PHLPP2: variants seen among roughly 807,000 people sequenced by gnomAD.
PHLPP2 encodes the protein PH domain leucine-rich repeat-containing protein phosphatase 2.
Under a neutral mutation model 124.9 loss-of-function variants are expected in PHLPP2, and 66 were observed. That is an observed-to-expected ratio of 0.53 (90% confidence interval 0.43 to 0.65). PHLPP2 has a LOEUF of 0.65. Among genes scored for constraint, PHLPP2 ranks in the 30% least tolerant of loss-of-function variants. PHLPP2 has a pLI of 0.00. For missense variants in PHLPP2, 1,685 were observed against 1,600.4 expected (o/e 1.05, Z -0.90); for synonymous variants, 681 against 624.7 (o/e 1.09, Z -1.34).
chr16:71,711,566 T>C (rs1251529197), intron 2 of PHLPP2, among the ~76,000 whole-genome samples: 1 of 152,184 alleles, frequency 6.6e-6, no homozygotes. Context: ...TTAGATGAGA[T>C]GCTTAACCCT....
In PHLPP2 at chr16:71,660,771, C is replaced by T. The variant is rs868331756; in HGVS notation, c.1986-1956G>A. Among the ~76,000 whole-genome samples the T allele has an allele frequency of 5.9e-5, 9 of 152,148 alleles. No individual in the cohort carries two copies. In the South Asian group the frequency reaches 6.2e-4, roughly 11 times the overall value. ...AGTGTTCCCATGTCCAAATCTCGTG[C>T]TTTTTTCCCTTATCCTGCCTGGATT... On this transcript the variant is annotated intron_variant, in intron 13 of 18. Transcript: ENST00000568954.
chr16:71,699,176 G>A (rs1251585248), intron 3 of PHLPP2, among the ~76,000 whole-genome samples: 1 of 152,144 alleles, frequency 6.6e-6, no homozygotes, highest in Non-Finnish European at 1.5e-5. Context: ...GAGACAGGAG[G>A]CAGAGAAATT....
chr16:71,688,412 C>T (rs2045074006), intron 4 of PHLPP2, among the ~76,000 whole-genome samples: 1 of 152,162 alleles, frequency 6.6e-6, no homozygotes, highest in Non-Finnish European at 1.5e-5. Flanking sequence ...CAATATTCTA[C>T]TTGGCTCTTT....
chr16:71,656,707 C>A, intron 15 of PHLPP2, 26 bp from the exon 16 acceptor site: 1 of 1,303,114 alleles, frequency 7.7e-7, no homozygotes. Flanking sequence ...GAAGATTAAA[C>A]CATATATTCT....
rs774220475 is a variant in PHLPP2 at position 71,679,473 on chromosome 16, A to G, written c.953T>C (p.Leu318Ser). ...CTCAGTCAGGGTAGAGATCTCGCAT[A>G]ACAATATAGGAAACAACCCAAGTTT... ...HNKLGLFPIL[L>S]CEISTLTELN... Residue 318 changes from leucine to serine, a missense_variant, in exon 7 of 19, where the codon TTA becomes TCA. Physicochemically the swap from Leu to Ser is moderately radical, Grantham distance 145. Coordinates refer to ENST00000568954, the MANE Select transcript of PHLPP2 (RefSeq NM_015020.3). The G allele has an allele frequency of 6.2e-7, 1 of 1,613,752 alleles. No homozygotes were observed. Among genetic ancestry groups the G allele is most frequent in the Non-Finnish European group, 8.5e-7 (1 of 1,179,674 alleles).
In PHLPP2 at chr16:71,714,885, C is replaced by T. The variant is rs897200023; in HGVS notation, c.-6-84G>A. On this transcript the variant is annotated intron_variant, in intron 1 of 18. Coordinates refer to ENST00000568954, the MANE Select transcript of PHLPP2 (RefSeq NM_015020.3). ...TCAGTCCTCACCCCACCTCTCTCTA[C>T]TTTATATTCCCCAACATTCTGCTCA... is the stretch of plus-strand genomic sequence containing the variant. 44 of 1,486,466 alleles carry T rather than the reference C, an allele frequency of 3.0e-5. No individual in the cohort carries two copies. The African/African-American group carries it at 5.1e-4, about 17-fold the overall frequency. 92.1% of individuals were successfully genotyped at this position (1,486,466 alleles called of 1,614,324 possible). A position where few individuals can be genotyped will look rare whatever the true frequency, so the allele number is the denominator to read the frequency against.
chr16:71,697,215 T>TAAATAAATAAAA (rs1555547739), intron 3 of PHLPP2, among the ~76,000 whole-genome samples: 19 of 82,656 alleles, frequency 2.3e-4, no homozygotes, highest in African/African-American at 7.1e-4. Flanking sequence ...AATAAATAAA[T>TAAATAAATAAAA]AAAAAGAAAC....
chr16:71,703,827 A>T (rs760141361), intron 2 of PHLPP2, among the ~76,000 whole-genome samples: 5 of 152,212 alleles, frequency 3.3e-5, no homozygotes, highest in African/African-American at 4.8e-5. Flanking sequence ...AGTGCTTAGC[A>T]AAATATCTCA....
intron 4 of PHLPP2, 53 bp from the exon 5 acceptor site, chr16:71,684,654 C>A: frequency 6.6e-7 from 1 of 1,511,998 alleles, no homozygotes; most frequent in South Asian, 1.2e-5. Context: ...AAATCCTAGT[C>A]AAAAAGCAAA....
chr16:71,694,450 G>T (rs1048791857), intron 3 of PHLPP2, among the ~76,000 whole-genome samples: 16 of 152,006 alleles, frequency 1.1e-4, no homozygotes, highest in African/African-American at 3.9e-4. Flanking sequence ...AACAGAGCAA[G>T]ACTCCGTCTC....
chr16:71,724,270 T>G (rs1210428954), intron 1 of PHLPP2, 59 bp downstream of exon 1: 1 of 152,252 alleles, frequency 6.6e-6, no homozygotes, highest in African/African-American at 2.4e-5. Context: ...TCCGCCAGGG[T>G]GGCTCTTGTA....
rs934617240 is a variant in PHLPP2, at chr16:71,646,341, A to G, written c.*2549T>C. On this transcript the variant is annotated 3_prime_UTR_variant, in exon 19 of 19. Coordinates refer to ENST00000568954, the MANE Select transcript of PHLPP2 (RefSeq NM_015020.3). ...AGAATAATCAGTTTTGGTATCGCCT[A>G]TAACAAAGATTTTCAATACAACCTA... 1.5e-4 allele frequency: 23 copies of G among 152,188 alleles called. No homozygotes were observed. Among genetic ancestry groups the G allele is most frequent in the African/African-American group, 5.3e-4 (22 of 41,456 alleles). 9.4% of individuals were successfully genotyped at this position (152,188 alleles called of 1,614,324 possible).
rs2044648907 is a variant in PHLPP2 at position 71,645,733 on chromosome 16, T to C, written c.*3157A>G. The C allele has an allele frequency of 6.5e-6, 1 of 153,354 alleles. No individual in the cohort carries two copies. Among genetic ancestry groups the C allele is most frequent in the Non-Finnish European group, 1.5e-5 (1 of 68,086 alleles). 9.5% of individuals were successfully genotyped at this position (153,354 alleles called of 1,614,324 possible). A position where few individuals can be genotyped will look rare whatever the true frequency, so the allele number is the denominator to read the frequency against. On this transcript the variant is annotated 3_prime_UTR_variant, in exon 19 of 19. Transcript: ENST00000568954. ...TCCTGCTGGCTCTTCCGTACACCAG[T>C]AAATGAACTCACCAATGTATTGCAC...
At chr16:71,672,513 G>GT (rs1395586239) in intron 9 of PHLPP2, among the ~76,000 whole-genome samples, 191 bp from the exon 10 acceptor site, 1 of 152,202 alleles carries the variant, frequency 6.6e-6, no homozygotes, top group Non-Finnish European at 1.5e-5. Flanking sequence ...AAAAACAAAT[G>GT]TAACAGCTAA....
At chr16:71,653,373 G>C (rs946536938) in intron 17 of PHLPP2, among the ~76,000 whole-genome samples, 1 of 152,096 alleles carries the variant, frequency 6.6e-6, no homozygotes, top group African/African-American at 2.4e-5. Flanking sequence ...TGGGCCCTAG[G>C]CCCAGAGTTT....
At chr16:71,659,167 T>C (rs1272843820) in intron 13 of PHLPP2, among the ~76,000 whole-genome samples, 3 of 151,718 alleles carry the variant, frequency 2.0e-5, no homozygotes, top group Non-Finnish European at 2.9e-5. Flanking sequence ...GGCAAAATAC[T>C]AAGTAAGTCA....
In PHLPP2 at chr16:71,676,097, A is replaced by G. The variant is rs149575932; in HGVS notation, c.1471+350T>C. On this transcript the variant is annotated intron_variant, in intron 9 of 18. Coordinates refer to ENST00000568954, the MANE Select transcript of PHLPP2 (RefSeq NM_015020.3). Reference sequence around the variant, plus strand: ...AAAACCATTCCGTATGGGCCATAAAAAAAGAGGTGGCAGGCCAGATGCAGT... The same window carrying G: ...AAAACCATTCCGTATGGGCCATAAAGAAAGAGGTGGCAGGCCAGATGCAGT... Among the ~76,000 whole-genome samples, 661 of 152,210 alleles carry G rather than the reference A, an allele frequency of 4.3e-3. 1 individual carries two copies. Among genetic ancestry groups the G allele is most frequent in the Middle Eastern group, 0.017 (5 of 294 alleles).
At chr16:71,654,836 C>A (rs1261397175) in intron 17 of PHLPP2, among the ~76,000 whole-genome samples, 1 of 152,146 alleles carries the variant, frequency 6.6e-6, no homozygotes, top group Admixed American at 6.5e-5. Context: ...TTTGGTAAAA[C>A]CCCAGAAAGA....
At chr16:71,706,554 A>G (rs2045275718) in intron 2 of PHLPP2, among the ~76,000 whole-genome samples, 1 of 152,234 alleles carries the variant, frequency 6.6e-6, no homozygotes, top group Admixed American at 6.5e-5. Context: ...TAAAGGTAAA[A>G]TCTGCAAATG....
Sources: allele counts gnomAD v4.1 joint callset (sites outside exome capture counted in the v4.1 genomes callset), GRCh38; gene constraint gnomAD v4.1.1; transcripts MANE v1.5; gene names NCBI Gene and HGNC (gene_info 2026-07-23, HGNC 2026-07-21).